Variants in SRRM2 observed in about 807,000 individuals in gnomAD.
SRRM2 encodes the protein serine/arginine repetitive matrix protein 2.
SRRM2 carries 30 observed loss-of-function variants against 213.8 expected under a neutral mutation model. The ratio of observed to expected loss-of-function variants is 0.14; its 90% CI spans 0.10 to 0.19. The LOEUF (loss-of-function observed/expected upper bound fraction) is 0.19. Among genes scored for constraint, SRRM2 ranks in the 10% least tolerant of loss-of-function variants. The probability of loss-of-function intolerance (pLI) is 1.00; values close to 1 mark genes in which losing one functional copy is unlikely to be tolerated. For synonymous variants in SRRM2, 2,025 were observed against 1,377.7 expected, an observed-to-expected ratio of 1.47 and a Z score of -10.40; for missense variants, 4,904 against 3,647.0, an observed-to-expected ratio of 1.34 and a Z score of -8.88.
intron 7 of SRRM2, 47 bp from the exon 8 acceptor site, chr16:2,759,305 T>A (rs1414932483): frequency 6.2e-7 from 1 of 1,610,350 alleles, no homozygotes; most frequent in Admixed American, 1.7e-5. Flanking sequence ...TGGTTTTATT[T>A]CCTTTTTTAA....
At position 2,761,983 on chromosome 16, in the gene SRRM2, T is replaced by G. The variant is rs201854998; in HGVS notation, c.1455T>G (p.Arg485=). 1.9e-6 allele frequency: 3 copies of G among 1,613,938 alleles called. No individual in the cohort carries two copies. In the South Asian group the frequency reaches 3.3e-5, roughly 18 times the overall value. The change falls in exon 11 of 15, where the codon CGT becomes CGG. Residue 485 remains arginine, a synonymous_variant. Transcript: ENST00000301740. ...HTPSRRMGRS[R]SPATAKRGRS... ...CCTCCCGTAGGATGGGGAGGTCCCG[T>G]AGCCCTGCCACCGCTAAGAGAGGGC... is the stretch of plus-strand genomic sequence containing the variant.
At chr16:2,759,952 A>G in intron 9 of SRRM2, 1 of 534,076 alleles carries the variant, frequency 1.9e-6, no homozygotes, top group Non-Finnish European at 3.3e-6. Context: ...GGAGGAAGGA[A>G]TCCTTACCCT....
rs964953323 is a variant in SRRM2 at position 2,752,690 on chromosome 16, C to T, written c.-188C>T. ...GGGTGCGAGTGGCGCAGTTGGAGCC[C>T]GTTGCGGCCCCTGAGGAAGCGAGGA... On this transcript the variant is annotated 5_prime_UTR_variant, in exon 1 of 15. Coordinates refer to ENST00000301740, the MANE Select transcript of SRRM2 (RefSeq NM_016333.4). 16 of 319,370 alleles carry T rather than the reference C, an allele frequency of 5.0e-5. No individual in the cohort carries two copies. The highest frequency in any genetic ancestry group is 9.9e-5 in the Non-Finnish European group (16 of 161,550). The allele number at this position is 319,370 out of a possible 1,614,324, so 19.8% of individuals were successfully genotyped here.
In SRRM2 at chr16:2,770,842, A is replaced by G. The variant is rs373643815; in HGVS notation, c.8250-16A>G. 59 of 1,613,852 alleles carry G rather than the reference A, an allele frequency of 3.7e-5. No homozygotes were observed. The highest frequency in any genetic ancestry group is 1.6e-4 in the African/African-American group (12 of 74,898). On this transcript the variant is annotated splice_polypyrimidine_tract_variant and intron_variant, in intron 14 of 14. Coordinates refer to ENST00000301740, the MANE Select transcript of SRRM2 (RefSeq NM_016333.4). ...TGGGGTGGGAACTCCCTGTTGACCC[A>G]TATCTTCTCTTGCAGGTCTCCATAA...
At position 2,762,541 on chromosome 16, in the gene SRRM2, T is replaced by C. The variant is rs140110119; in HGVS notation, c.2013T>C (p.Ser671=). Residue 671 remains serine (S), a synonymous_variant, in exon 11 of 15, where the codon TCT becomes TCC. Coordinates refer to ENST00000301740, the MANE Select transcript of SRRM2 (RefSeq NM_016333.4). ...RTPARRGRSR[S]RTPARRSGRS... ...CAGCCAGACGTGGCCGCTCACGCTC[T>C]AGAACCCCAGCTAGACGCAGTGGTC... 25 of 1,613,410 alleles carry C rather than the reference T, an allele frequency of 1.5e-5. No individual in the cohort carries two copies. The Admixed American group carries it at 3.8e-4, about 25-fold the overall frequency.
At chr16:2,769,524 C>T (rs1403531145) in intron 12 of SRRM2, 1 of 635,700 alleles carries the variant, frequency 1.6e-6, no homozygotes, top group South Asian at 1.8e-5. Context: ...TCCTCTCCCT[C>T]CCTCAACACA....
intron 4 of SRRM2, 89 bp downstream of exon 4, chr16:2,758,034 C>T (rs1438636247): frequency 2.0e-6 from 3 of 1,465,818 alleles, no homozygotes; most frequent in African/African-American, 2.8e-5. Flanking sequence ...CTGGTTTCTT[C>T]CCAAACTCTT....
intron 11 of SRRM2, 64 bp downstream of exon 11, chr16:2,768,325 G>A: frequency 2.0e-6 from 3 of 1,492,280 alleles, no homozygotes; most frequent in Non-Finnish European, 2.7e-6. Context: ...TTGGGGAGTG[G>A]GGAGGGAGAA....
intron 8 of SRRM2, 76 bp from the exon 9 acceptor site, chr16:2,759,493 A>G: frequency 6.2e-7 from 1 of 1,601,768 alleles, no homozygotes; most frequent in Non-Finnish European, 8.5e-7. Flanking sequence ...TGACTGGTAA[A>G]GGGTTGAGGG....
rs761105310 is a variant in SRRM2 at position 2,763,741 on chromosome 16, T to G, written c.3213T>G (p.Thr1071=). ...CTTCACCAGACCACAGATCTGATAC[T>G]TCAAGTCCAGAAGTGAGACAGAGTC... ...SQTSPDHRSD[T]SSPEVRQSHS... Residue 1071 remains threonine (T), a synonymous_variant, in exon 11 of 15, where the codon ACT becomes ACG. Coordinates refer to ENST00000301740, the MANE Select transcript of SRRM2 (RefSeq NM_016333.4). The G allele has an allele frequency of 6.2e-7, 1 of 1,614,196 alleles. No homozygotes were observed. The highest frequency in any genetic ancestry group is 8.5e-7 in the Non-Finnish European group (1 of 1,180,044).
Position 2,766,614 on chromosome 16 carries a change from G to T in SRRM2, c.6086G>T (p.Arg2029Leu). 1 of 1,613,814 alleles carries T rather than the reference G, an allele frequency of 6.2e-7. No homozygotes were observed. The change falls in exon 11 of 15, where the codon CGC becomes CTC. Residue 2029 changes from arginine to leucine, a missense_variant. Physicochemically the swap from Arg to Leu is moderately radical, Grantham distance 102. Coordinates refer to ENST00000301740, the MANE Select transcript of SRRM2 (RefSeq NM_016333.4). This position sits in a 1 kb window ranked among gnomAD's most constrained non-coding sequence, Gnocchi z 7.0. The part of the protein sequence containing the change: ...RSRTPPAIRR[R>L]SRSRTPLLPR... ...CGGACACCTCCAGCTATTCGGCGCC[G>T]CTCTAGATCTCGAACGCCACTGTTA... is the stretch of plus-strand genomic sequence containing the variant.
rs748093655 is a variant in SRRM2, at chr16:2,759,408, TGAATTTGTGGG to T, written c.740+14_740+24del. 6.3e-7 allele frequency: 1 copy of T among 1,592,704 alleles called. No homozygotes were observed. Among genetic ancestry groups the T allele is most frequent in the Non-Finnish European group, 8.5e-7 (1 of 1,172,438 alleles). Reference sequence around the variant, plus strand: ...AAGGACAAAAAGCGAAAGCGGTGAGTGAATTTGTGGGGAATTTGCTTAGGAAGTAAGTGAAC... The same window carrying T: ...AAGGACAAAAAGCGAAAGCGGTGAGTGAATTTGCTTAGGAAGTAAGTGAAC... On this transcript the variant is annotated splice_region_variant and intron_variant, in intron 8 of 14. Coordinates refer to ENST00000301740, the MANE Select transcript of SRRM2 (RefSeq NM_016333.4).
At position 2,764,291 on chromosome 16, in the gene SRRM2, C is replaced by T. The variant is rs1402639659; in HGVS notation, c.3763C>T (p.His1255Tyr). 4 of 1,614,036 alleles carry T rather than the reference C, an allele frequency of 2.5e-6. No individual in the cohort carries two copies. Among genetic ancestry groups the T allele is most frequent in the Non-Finnish European group, 3.4e-6 (4 of 1,180,000 alleles). ...AGAACCCGCAGGCCAAATCCTGTCT[C>T]ATTTGTCTTCAGAACTTAAAGAAAT... ...SEEPAGQILSHLSSELKEMST... is the reference protein window; with the variant it reads ...SEEPAGQILSYLSSELKEMST... The change falls in exon 11 of 15, where the codon CAT (histidine) becomes TAT (tyrosine). Residue 1255 changes from histidine (H) to tyrosine (Y), a missense_variant. His to Tyr is a moderately conservative substitution (Grantham distance 83, BLOSUM62 2). Transcript: ENST00000301740.
intron 1 of SRRM2, among the ~76,000 whole-genome samples, chr16:2,753,078 G>A (rs2067993171): frequency 7.2e-6 from 1 of 138,614 alleles, no homozygotes; most frequent in Non-Finnish European, 1.5e-5. Flanking sequence ...GTTCGCAGCC[G>A]CCTGTACTCG....
rs766392078 is a variant in SRRM2, at chr16:2,764,019, C to T, written c.3491C>T (p.Ser1164Leu). 4 of 1,614,160 alleles carry T rather than the reference C, an allele frequency of 2.5e-6. No homozygotes were observed. Among genetic ancestry groups the T allele is most frequent in the Non-Finnish European group, 3.4e-6 (4 of 1,180,024 alleles). Reference protein sequence around the residue: ...LGQSRLETAESKEKMALPPQE... With the variant: ...LGQSRLETAELKEKMALPPQE... Reference sequence around the variant, plus strand: ...CAGAGTAGATTGGAGACTGCTGAATCAAAAGAGAAAATGGCCTTACCCCCT... The same window carrying T: ...CAGAGTAGATTGGAGACTGCTGAATTAAAAGAGAAAATGGCCTTACCCCCT... Residue 1164 changes from serine to leucine, a missense_variant, in exon 11 of 15, where the codon TCA becomes TTA. By Grantham distance (145) the Ser-to-Leu change is moderately radical. Transcript: ENST00000301740.
At chr16:2,757,603 T>C in intron 3 of SRRM2, 24 bp downstream of exon 3, 1 of 1,607,814 alleles carries the variant, frequency 6.2e-7, no homozygotes. Context: ...TCTCCCTCGA[T>C]GACTCTGGAC....
chr16:2,764,370 C>T lies in SRRM2; in HGVS notation c.3842C>T (p.Ser1281Phe), dbSNP rs1250668976. Residue 1281 changes from serine (S) to phenylalanine (F), a missense_variant, in exon 11 of 15, where the codon TCT becomes TTT. Coordinates refer to ENST00000301740, the MANE Select transcript of SRRM2 (RefSeq NM_016333.4). ...GAAGTAGAAGAAAGGCCTGCTGTGT[C>T]TTTGACTCTTGATCAGAGCCAGTCA... ...SPEVEERPAVSLTLDQSQSQA... is the reference protein window; with the variant it reads ...SPEVEERPAVFLTLDQSQSQA... 1.2e-6 allele frequency: 2 copies of T among 1,614,188 alleles called. No individual in the cohort carries two copies. Among genetic ancestry groups the T allele is most frequent in the Admixed American group, 1.7e-5 (1 of 60,030 alleles).
intron 12 of SRRM2, 88 bp from the exon 13 acceptor site, chr16:2,770,264 G>C: frequency 2.7e-6 from 4 of 1,474,006 alleles, no homozygotes; most frequent in Non-Finnish European, 3.6e-6. Context: ...TGTGAGGTTT[G>C]GTGGTCAGGA....
chr16:2,756,753 A>G (rs527891317), intron 2 of SRRM2, 147 bp downstream of exon 2: 3 of 1,170,270 alleles, frequency 2.6e-6, no homozygotes, highest in South Asian at 3.2e-5. Flanking sequence ...TAGAGAAGTG[A>G]AAACAGTTAA....
Sources: gnomAD v4.1 joint callset for allele counts (sites outside exome capture counted in the v4.1 genomes callset) on GRCh38, gnomAD v4.1.1 for gene constraint, Gnocchi (gnomAD v3.1) non-coding constraint, MANE v1.5 for transcripts, NCBI Gene and HGNC (gene_info 2026-07-23, HGNC 2026-07-21) for gene names.